Variants in PGPEP1L observed in about 807,000 individuals in gnomAD.
The protein encoded by PGPEP1L is pyroglutamyl-peptidase 1-like protein.
A neutral mutation model predicts 6.0 loss-of-function variants in PGPEP1L; 7 were observed. The ratio of observed to expected loss-of-function variants is 1.17; its 90% CI spans 0.66 to 2.19. The LOEUF is 2.19. Among genes scored for constraint, PGPEP1L ranks in the 30% most tolerant of loss-of-function variants. The pLI, the probability that PGPEP1L is intolerant of heterozygous loss-of-function variation, is 0.00. For missense variants in PGPEP1L, 209 were observed against 192.5 expected (o/e 1.09, Z -0.51); for synonymous variants, 103 against 83.9 (o/e 1.23, Z -1.24).
chr15:98,994,246 A>G (rs1180228379), intron 2 of PGPEP1L, among the ~76,000 whole-genome samples: 2 of 152,148 alleles, frequency 1.3e-5, no homozygotes, highest in African/African-American at 2.4e-5. Flanking sequence ...AGCCTGGGTG[A>G]CAGAGCAAGA....
chr15:99,006,990 G>A (rs1286000730), intron 1 of PGPEP1L, among the ~76,000 whole-genome samples: 2 of 152,124 alleles, frequency 1.3e-5, no homozygotes, highest in Non-Finnish European at 2.9e-5. Flanking sequence ...AGGACCACGT[G>A]GCTCCATCTG....
At chr15:98,980,766 T>C (rs1408807879) in intron 2 of PGPEP1L, among the ~76,000 whole-genome samples, 1 of 151,750 alleles carries the variant, frequency 6.6e-6, no homozygotes, top group African/African-American at 2.4e-5. Context: ...ACCCCGTCGC[T>C]ACTAAAAATA....
chr15:98,974,828 C>T (rs550713176), intron 2 of PGPEP1L, among the ~76,000 whole-genome samples: 2 of 152,136 alleles, frequency 1.3e-5, no homozygotes, highest in East Asian at 1.9e-4. Flanking sequence ...CCCTGGGAGG[C>T]GGAGGCTGCA....
At chr15:98,987,750 A>C (rs2017767407) in intron 2 of PGPEP1L, among the ~76,000 whole-genome samples, 1 of 152,190 alleles carries the variant, frequency 6.6e-6, no homozygotes, top group African/African-American at 2.4e-5. Flanking sequence ...ATCAACCAGA[A>C]GGCAGGTGAT....
At chr15:98,973,892 C>T (rs2017531816) in intron 2 of PGPEP1L, among the ~76,000 whole-genome samples, 1 of 152,006 alleles carries the variant, frequency 6.6e-6, no homozygotes, top group South Asian at 2.1e-4. Context: ...AAAAGCAATA[C>T]AAAAGATTGC....
intron 2 of PGPEP1L, among the ~76,000 whole-genome samples, chr15:98,980,958 T>A (rs2017650188): frequency 2.0e-5 from 3 of 148,950 alleles, no homozygotes. Context: ...AAAAATTAAC[T>A]GTATGGTAGA....
intron 2 of PGPEP1L, chr15:99,001,326 C>A (rs2017965914): frequency 4.5e-6 from 1 of 220,850 alleles, no homozygotes; most frequent in Non-Finnish European, 9.5e-6. Context: ...AAAATGATTC[C>A]ATTTATATGA....
At chr15:99,000,612 G>A (rs527263777) in intron 2 of PGPEP1L, among the ~76,000 whole-genome samples, 52 of 152,248 alleles carry the variant, frequency 3.4e-4, no homozygotes, top group African/African-American at 8.2e-4. Flanking sequence ...ACCAATCGAC[G>A]CTCTGTATCT....
intron 2 of PGPEP1L, among the ~76,000 whole-genome samples, chr15:99,002,829 CATTTCCACCTCT>C (rs1555473204): frequency 3.7e-5 from 5 of 135,596 alleles, no homozygotes; most frequent in African/African-American, 1.5e-4. Flanking sequence ...ATTCCTGTGA[CATTTCCACCTCT>C]GATTCCTGTG....
intron 2 of PGPEP1L, among the ~76,000 whole-genome samples, chr15:98,978,721 TA>T (rs1567236359): frequency 6.2e-4 from 24 of 38,570 alleles, no homozygotes; most frequent in Non-Finnish European, 1.2e-3. Context: ...TATATATATA[TA>T]TATATTTTTT....
At chr15:98,972,403 A>T (rs2017511072) in intron 2 of PGPEP1L, among the ~76,000 whole-genome samples, 1 of 149,118 alleles carries the variant, frequency 6.7e-6, no homozygotes, top group South Asian at 2.2e-4. Context: ...AATAGCATGG[A>T]ATAAAAACAT....
At chr15:98,976,069 G>A (rs1446421839) in intron 2 of PGPEP1L, among the ~76,000 whole-genome samples, 3 of 152,108 alleles carry the variant, frequency 2.0e-5, no homozygotes, top group Non-Finnish European at 4.4e-5. Flanking sequence ...TTGGGGGAAG[G>A]AAGAAATGGA....
At chr15:98,984,025 T>TTTTTTTTTC (rs1567238536) in intron 2 of PGPEP1L, among the ~76,000 whole-genome samples, 1 of 148,016 alleles carries the variant, frequency 6.8e-6, no homozygotes. Context: ...TTTTTTTTTT[T>TTTTTTTTTC]TTTTTTTTCT....
At chr15:99,004,798 G>C (rs2018025523) in intron 2 of PGPEP1L, among the ~76,000 whole-genome samples, 1 of 152,094 alleles carries the variant, frequency 6.6e-6, no homozygotes. Context: ...GGTGAGGCAA[G>C]TGTGGGTGGG....
chr15:99,003,162 A>G (rs1416482329), intron 2 of PGPEP1L, among the ~76,000 whole-genome samples: 2 of 143,118 alleles, frequency 1.4e-5, no homozygotes, highest in African/African-American at 5.8e-5. Flanking sequence ...CCTTGGAAAC[A>G]GCCAGAAAAA....
chr15:98,969,353 G>A, intron 4 of PGPEP1L, 72 bp downstream of exon 4: 1 of 1,582,294 alleles, frequency 6.3e-7, no homozygotes, highest in East Asian at 2.2e-5. Flanking sequence ...TGGCTTCTTG[G>A]AGGTCGGGGG....
At chr15:98,985,440 A>C (rs1216077752) in intron 2 of PGPEP1L, among the ~76,000 whole-genome samples, 1 of 152,202 alleles carries the variant, frequency 6.6e-6, no homozygotes, top group Middle Eastern at 3.2e-3. Flanking sequence ...CAGGAGGCTG[A>C]GGCAAGAGAA....
intron 2 of PGPEP1L, among the ~76,000 whole-genome samples, chr15:98,991,046 T>G (rs909945884): frequency 1.3e-5 from 2 of 151,558 alleles, no homozygotes; most frequent in South Asian, 4.2e-4. Flanking sequence ...ACATCACAAT[T>G]AAAAGAACTA....
chr15:98,972,872 C>CAAAAAA lies in PGPEP1L; in HGVS notation c.-141-1720_-141-1715dup, dbSNP rs58126997. On this transcript the variant is annotated intron_variant, in intron 2 of 4. Coordinates refer to ENST00000535714, the MANE Select transcript of PGPEP1L (RefSeq NM_001167902.2). ...TGGGTGACAGAGTGAGACTCCGTCTCAAAAAAAAAAAAAAAAAAAAAAAAA... is the reference window on the plus strand; with the variant it reads ...TGGGTGACAGAGTGAGACTCCGTCTCAAAAAAAAAAAAAAAAAAAAAAAAAAAAAAA... Among the ~76,000 whole-genome samples, 19 of 45,688 alleles carry CAAAAAA rather than the reference C, an allele frequency of 4.2e-4. 1 individual carries two copies. In the Middle Eastern group the frequency reaches 0.075, roughly 180 times the overall value. 30.0% of individuals were successfully genotyped at this position (45,688 alleles called of 152,430 possible).
Sources: allele counts gnomAD v4.1 joint callset (sites outside exome capture counted in the v4.1 genomes callset), GRCh38; gene constraint gnomAD v4.1.1; transcripts MANE v1.5; gene names NCBI Gene and HGNC (gene_info 2026-07-23, HGNC 2026-07-21).